Variants in FAM222B observed in about 807,000 individuals in gnomAD.
FAM222B encodes family with sequence similarity 222 member B, also known as protein FAM222B.
Under a neutral mutation model 38.0 loss-of-function variants are expected in FAM222B, and 12 were observed. That is an observed-to-expected ratio of 0.32 (90% CI 0.20 to 0.51). FAM222B has a LOEUF of 0.51. Ranked by LOEUF, FAM222B falls within the 20% of genes least tolerant of loss-of-function variation. The pLI is 0.97. For missense variants in FAM222B, 716 were observed against 754.2 expected (o/e 0.95, Z 0.59); for synonymous variants, 329 against 317.2 (o/e 1.04, Z -0.40).
intron 1 of FAM222B, among the ~76,000 whole-genome samples, chr17:28,769,085 C>T (rs990271688): frequency 1.1e-4 from 16 of 151,444 alleles, no homozygotes; most frequent in Non-Finnish European, 1.8e-4. Flanking sequence ...CTCATCATCT[C>T]TAGATGGGAT....
intron 1 of FAM222B, among the ~76,000 whole-genome samples, chr17:28,841,288 C>G (rs191842317): frequency 0.026 from 4,005 of 152,196 alleles, 84 homozygotes; most frequent in Middle Eastern, 0.065. Context: ...AGCGAGACTC[C>G]GTCTCAAAAA....
Position 28,758,286 on chromosome 17 carries a change from T to C in FAM222B, c.1673A>G (p.His558Arg), listed in dbSNP as rs746233967. 7.6e-6 allele frequency: 12 copies of C among 1,588,842 alleles called. No homozygotes were observed. The Admixed American group carries it at 1.6e-4, about 21-fold the overall frequency. ...CAGGGCTACCTATCTATACCCTGGGTGCTGAATATGAAGACTTCGACTCTC... is the reference window on the plus strand; with the variant it reads ...CAGGGCTACCTATCTATACCCTGGGCGCTGAATATGAAGACTTCGACTCTC... ...PTESRSLHIQ[H>R]PGYR is the part of the protein sequence containing the mutation. The change falls in exon 3 of 3, where the codon CAC becomes CGC. Residue 558 changes from histidine to arginine, a missense_variant. Physicochemically the swap from His to Arg is conservative, Grantham distance 29. Coordinates refer to ENST00000581407, the MANE Select transcript of FAM222B (RefSeq NM_001077498.3).
In FAM222B at chr17:28,822,844, T is replaced by TAC. The variant is rs1269897700; in HGVS notation, c.-41+19837_-41+19838insGT. ...AAAAAAAAAAAAAAATATATATATATATATATATATATATATATATACACA... is the reference window on the plus strand; with the variant it reads ...AAAAAAAAAAAAAAATATATATATATACATATATATATATATATATATACACA... On this transcript the variant is annotated intron_variant, in intron 1 of 2. Transcript: ENST00000581407. Among the ~76,000 whole-genome samples the TAC allele has an allele frequency of 7.5e-5, 7 of 93,710 alleles. No homozygotes were observed. In the Admixed American group the frequency reaches 8.1e-4, roughly 11 times the overall value. The allele number at this position is 93,710 out of a possible 152,430, so 61.5% of individuals were successfully genotyped here.
Position 28,807,757 on chromosome 17 carries a change from C to T in FAM222B, c.-41+34925G>A, listed in dbSNP as rs554526466. On this transcript the variant is annotated intron_variant, in intron 1 of 2. Transcript: ENST00000581407. ...ATCATGAAATCTCTAATGAAGTAAA[C>T]TTCTAAGATCTGACTAAACAAAAGG... 1.3e-4 allele frequency among the ~76,000 whole-genome samples: 20 copies of T among 152,270 alleles called. 1 individual carries two copies. The East Asian group carries it at 3.9e-3, about 29-fold the overall frequency.
intron 1 of FAM222B, among the ~76,000 whole-genome samples, chr17:28,777,791 T>TTTC (rs1175044936): frequency 6.6e-6 from 1 of 151,840 alleles, no homozygotes; most frequent in Non-Finnish European, 1.5e-5. Flanking sequence ...ACTTTTTTTT[T>TTTC]TTCTTCAGTT....
Position 28,803,250 on chromosome 17 carries a change from TGC to T in FAM222B, c.-40-36545_-40-36544del, listed in dbSNP as rs2037322804. ...CTCGAATGCCTGACTTCAAGTGATC[TGC>T]CCACCTTGGCCTCCCAAAGTGTGGA... On this transcript the variant is annotated intron_variant, in intron 1 of 2. Coordinates refer to ENST00000581407, the MANE Select transcript of FAM222B (RefSeq NM_001077498.3). Among the ~76,000 whole-genome samples, 6 of 152,214 alleles carry T rather than the reference TGC, an allele frequency of 3.9e-5. No homozygotes were observed. In the South Asian group the frequency reaches 1.2e-3, roughly 32 times the overall value.
At position 28,801,451 on chromosome 17, in the gene FAM222B, CAAAAAAAAAA is replaced by C. The variant is rs766189732; in HGVS notation, c.-40-34754_-40-34745del. Among the ~76,000 whole-genome samples the C allele has an allele frequency of 1.1e-4, 10 of 90,294 alleles. No homozygotes were observed. The East Asian group carries it at 1.8e-3, about 16-fold the overall frequency. 59.2% of individuals were successfully genotyped at this position (90,294 alleles called of 152,430 possible). ...TCTGGGCGACAGCGAGACTCCGTCT[CAAAAAAAAAA>C]AAAAAAAAAGAAAAGAAAAAGTTCT... On this transcript the variant is annotated intron_variant, in intron 1 of 2. Coordinates refer to ENST00000581407, the MANE Select transcript of FAM222B (RefSeq NM_001077498.3).
At chr17:28,765,811 G>C (rs1481034507) in intron 2 of FAM222B, among the ~76,000 whole-genome samples, 1 of 152,198 alleles carries the variant, frequency 6.6e-6, no homozygotes, top group Non-Finnish European at 1.5e-5. Flanking sequence ...GACTGAGAAA[G>C]CTAGCTCTCC....
At chr17:28,833,009 TAAAAAAAAAAAA>T (rs779596504) in intron 1 of FAM222B, among the ~76,000 whole-genome samples, 1 of 90,800 alleles carries the variant, frequency 1.1e-5, no homozygotes, top group African/African-American at 4.4e-5. Context: ...CTGTCTCTAT[TAAAAAAAAAAAA>T]AAAAAAAAAA....
rs769582534 is a variant in FAM222B at position 28,823,512 on chromosome 17, T to A, written c.-41+19170A>T. 1.1e-3 allele frequency among the ~76,000 whole-genome samples: 167 copies of A among 152,166 alleles called. 1 individual carries two copies. The highest frequency in any genetic ancestry group is 1.9e-3 in the Non-Finnish European group (130 of 68,038). ...CTCCCACCTCAGCCTCCTGAATACC[T>A]GGGACTGCCATAGGCATGTGCCACC... On this transcript the variant is annotated intron_variant, in intron 1 of 2. Transcript: ENST00000581407.
At chr17:28,814,394 T>G (rs1049209408) in intron 1 of FAM222B, among the ~76,000 whole-genome samples, 1 of 152,126 alleles carries the variant, frequency 6.6e-6, no homozygotes, top group Non-Finnish European at 1.5e-5. Flanking sequence ...ACTCAAAACA[T>G]TTCATATATA....
chr17:28,786,565 A>G (rs1180054739), intron 1 of FAM222B, among the ~76,000 whole-genome samples: 1 of 152,036 alleles, frequency 6.6e-6, no homozygotes, highest in African/African-American at 2.4e-5. Flanking sequence ...CCTACTCTCA[A>G]CTCATACCTT....
chr17:28,851,821 G>C (rs2039183073), intron 1 of FAM222B, among the ~76,000 whole-genome samples: 1 of 150,526 alleles, frequency 6.6e-6, no homozygotes, highest in Admixed American at 6.7e-5. Flanking sequence ...GTTGCAGTGA[G>C]CTGAGATCGC....
chr17:28,852,164 G>A (rs1047788339), intron 1 of FAM222B, among the ~76,000 whole-genome samples: 1 of 151,618 alleles, frequency 6.6e-6, no homozygotes, highest in Non-Finnish European at 1.5e-5. Flanking sequence ...TCAGGAGATC[G>A]AGACCATCCA....
intron 1 of FAM222B, among the ~76,000 whole-genome samples, chr17:28,816,865 A>G (rs1377505502): frequency 2.6e-5 from 4 of 152,162 alleles, no homozygotes; most frequent in African/African-American, 9.7e-5. Context: ...CTATCACTTC[A>G]AAGTAGCAAG....
intron 1 of FAM222B, among the ~76,000 whole-genome samples, chr17:28,793,912 A>T (rs1052224039): frequency 2.0e-5 from 3 of 151,338 alleles, no homozygotes; most frequent in African/African-American, 4.9e-5. Flanking sequence ...CGCCAGGCTA[A>T]TTTTTTTTGC....
intron 1 of FAM222B, among the ~76,000 whole-genome samples, chr17:28,804,295 T>C (rs536459728): frequency 1.3e-5 from 2 of 152,214 alleles, no homozygotes; most frequent in East Asian, 3.9e-4. Flanking sequence ...TCCCCTCTTA[T>C]ATATTTACCC....
chr17:28,854,864 T>C (rs888511035), intron 1 of FAM222B: 11 of 658,336 alleles, frequency 1.7e-5, no homozygotes, highest in African/African-American at 1.3e-4. Flanking sequence ...CATTTTCCCC[T>C]TTCCTTAGCC....
chr17:28,836,854 C>T (rs2038861743), intron 1 of FAM222B, among the ~76,000 whole-genome samples: 1 of 151,976 alleles, frequency 6.6e-6, no homozygotes, highest in Admixed American at 6.6e-5. Context: ...GGCATAAGAC[C>T]CATATTGGGC....
Sources: allele counts gnomAD v4.1 joint callset (sites outside exome capture counted in the v4.1 genomes callset), GRCh38; gene constraint gnomAD v4.1.1; transcripts MANE v1.5; gene names NCBI Gene and HGNC (gene_info 2026-07-23, HGNC 2026-07-21).